Variants in NSL1 observed in about 807,000 individuals in gnomAD.
NSL1 encodes NSL1 component of MIS12 kinetochore complex.
Under a neutral mutation model 25.4 loss-of-function variants are expected in NSL1, and 11 were observed. That is an observed-to-expected ratio of 0.43 (90% CI 0.27 to 0.72). The LOEUF is 0.72. NSL1 is among the 30% of genes least tolerant of loss of function. NSL1 has a pLI of 0.19. For missense variants in NSL1, 330 were observed against 342.7 expected (o/e 0.96, Z 0.29); for synonymous variants, 118 against 120.6 (o/e 0.98, Z 0.14).
intron 4 of NSL1, among the ~76,000 whole-genome samples, chr1:212,774,654 T>C (rs1660272475): frequency 6.6e-6 from 1 of 152,200 alleles, no homozygotes; most frequent in Non-Finnish European, 1.5e-5. Flanking sequence ...TTATACCTAC[T>C]AGGTTGATAA....
chr1:212,738,239 A>G lies in NSL1; in HGVS notation c.*169T>C, dbSNP rs1658318587. The stretch of plus-strand genomic sequence containing the variant: ...TTACAATAGATAAAACAGTAAGGAA[A>G]TACAATATTATATCATATCCCCGCA... On this transcript the variant is annotated 3_prime_UTR_variant, in exon 6 of 6. Coordinates refer to ENST00000366977, the MANE Select transcript of NSL1 (RefSeq NM_015471.4). 7.3e-7 allele frequency: 1 copy of G among 1,371,436 alleles called. No individual in the cohort carries two copies. Among genetic ancestry groups the G allele is most frequent in the East Asian group, 2.6e-5 (1 of 38,684 alleles). 85.0% of individuals were successfully genotyped at this position (1,371,436 alleles called of 1,614,324 possible). A position where few individuals can be genotyped will look rare whatever the true frequency, so the allele number is the denominator to read the frequency against.
intron 1 of NSL1, among the ~76,000 whole-genome samples, chr1:212,789,872 G>A (rs1661102147): frequency 2.0e-5 from 3 of 152,084 alleles, no homozygotes; most frequent in Non-Finnish European, 4.4e-5. Context: ...TACAACAAAA[G>A]TCTTCTCCCA....
At position 212,730,410 on chromosome 1, in the gene NSL1, G is replaced by A. The variant is rs1657970108; in HGVS notation, c.*7998C>T. ...GAAGATGTGGGCCACAGAGCTACAT[G>A]AATGGGCACCAAGGGAGGTCTTAAA... On this transcript the variant is annotated 3_prime_UTR_variant, in exon 6 of 6. Coordinates refer to ENST00000366977, the MANE Select transcript of NSL1 (RefSeq NM_015471.4). 1 of 985,212 alleles carries A rather than the reference G, an allele frequency of 1.0e-6. No homozygotes were observed. The highest frequency in any genetic ancestry group is 1.2e-6 in the Non-Finnish European group (1 of 829,924). 61.0% of individuals were successfully genotyped at this position (985,212 alleles called of 1,614,324 possible). A position where few individuals can be genotyped will look rare whatever the true frequency, so the allele number is the denominator to read the frequency against.
chr1:212,775,977 A>C (rs1660346401), intron 4 of NSL1, among the ~76,000 whole-genome samples: 1 of 151,880 alleles, frequency 6.6e-6, no homozygotes, highest in South Asian at 2.1e-4. Flanking sequence ...ACAGGCGCCC[A>C]CCACTGCGCC....
In NSL1 at chr1:212,735,247, G is replaced by T. The variant is rs577258046; in HGVS notation, c.*3161C>A. 1 of 910,522 alleles carries T rather than the reference G, an allele frequency of 1.1e-6. No homozygotes were observed. Among genetic ancestry groups the T allele is most frequent in the Non-Finnish European group, 1.3e-6 (1 of 762,108 alleles). 56.4% of individuals were successfully genotyped at this position (910,522 alleles called of 1,614,324 possible). ...TCATTGAACTAATAATGGTAGAACTGAAATCTGAACTCAGATGATCTGGCT... is the reference window on the plus strand; with the variant it reads ...TCATTGAACTAATAATGGTAGAACTTAAATCTGAACTCAGATGATCTGGCT... On this transcript the variant is annotated 3_prime_UTR_variant, in exon 6 of 6. Coordinates refer to ENST00000366977, the MANE Select transcript of NSL1 (RefSeq NM_015471.4).
At chr1:212,758,462 T>C (rs895372926) in intron 4 of NSL1, among the ~76,000 whole-genome samples, 4 of 152,208 alleles carry the variant, frequency 2.6e-5, no homozygotes, top group Non-Finnish European at 4.4e-5. Context: ...AACATGGTTG[T>C]AAGATACAAG....
intron 3 of NSL1, among the ~76,000 whole-genome samples, chr1:212,783,511 T>C (rs1660811475): frequency 6.6e-6 from 1 of 152,214 alleles, no homozygotes. Context: ...GGGCATATAA[T>C]GACCTGAAAC....
chr1:212,732,260 CGTGTT>C lies in NSL1; in HGVS notation c.*6143_*6147del. ...TTTCTGCATAGTTAACATTATCACT[CGTGTT>C]GTCACTTTTATTTTTTTCTGAAAAT... On this transcript the variant is annotated 3_prime_UTR_variant, in exon 6 of 6. Coordinates refer to ENST00000366977, the MANE Select transcript of NSL1 (RefSeq NM_015471.4). 1 of 978,468 alleles carries C rather than the reference CGTGTT, an allele frequency of 1.0e-6. No homozygotes were observed. The highest frequency in any genetic ancestry group is 4.7e-5 in the South Asian group (1 of 21,124). The allele number at this position is 978,468 out of a possible 1,614,324, so 60.6% of individuals were successfully genotyped here.
chr1:212,761,463 A>C (rs1255849660), intron 4 of NSL1, among the ~76,000 whole-genome samples: 2 of 152,076 alleles, frequency 1.3e-5, no homozygotes, highest in African/African-American at 4.8e-5. Context: ...AACACGGCAA[A>C]ACCTTGCCTT....
chr1:212,762,585 G>A (rs1659625662), intron 4 of NSL1, among the ~76,000 whole-genome samples: 1 of 152,110 alleles, frequency 6.6e-6, no homozygotes, highest in South Asian at 2.1e-4. Context: ...TCTGAAAGAA[G>A]CAGCAGGCTG....
At position 212,727,901 on chromosome 1, in the gene NSL1, A is replaced by G. The variant is rs1049354604; in HGVS notation, c.*10507T>C. 4.1e-6 allele frequency: 4 copies of G among 985,344 alleles called. No individual in the cohort carries two copies. The highest frequency in any genetic ancestry group is 4.8e-6 in the Non-Finnish European group (4 of 829,948). The allele number at this position is 985,344 out of a possible 1,614,324, so 61.0% of individuals were successfully genotyped here. ...TCTCTGTTGCTATGTGTCATTGAAA[A>G]AAAATGAGAAGAACCAACGAGGTCG... On this transcript the variant is annotated 3_prime_UTR_variant, in exon 6 of 6. Coordinates refer to ENST00000366977, the MANE Select transcript of NSL1 (RefSeq NM_015471.4).
intron 2 of NSL1, among the ~76,000 whole-genome samples, chr1:212,787,236 TA>T (rs1439684280): frequency 3.3e-5 from 5 of 152,284 alleles, no homozygotes; most frequent in Admixed American, 6.5e-5. Flanking sequence ...GGTACTTGTA[TA>T]ATTAATAATA....
intron 4 of NSL1, among the ~76,000 whole-genome samples, chr1:212,748,786 A>G (rs1279864240): frequency 6.6e-6 from 1 of 152,174 alleles, no homozygotes; most frequent in Non-Finnish European, 1.5e-5. Context: ...AACAGGATAA[A>G]TATGTGCTAG....
rs916119759 is a variant in NSL1 at position 212,731,345 on chromosome 1, C to T, written c.*7063G>A. 15 of 982,094 alleles carry T rather than the reference C, an allele frequency of 1.5e-5. No homozygotes were observed. Among genetic ancestry groups the T allele is most frequent in the Non-Finnish European group, 1.8e-5 (15 of 827,212 alleles). The allele number at this position is 982,094 out of a possible 1,614,324, so 60.8% of individuals were successfully genotyped here. ...CTGAGGCAGGAGGATGGCTTGAGCC[C>T]AGGAATTCAAGACCAGCCGGGGCAA... On this transcript the variant is annotated 3_prime_UTR_variant, in exon 6 of 6. Transcript: ENST00000366977.
intron 4 of NSL1, among the ~76,000 whole-genome samples, chr1:212,756,202 C>A (rs1047201969): frequency 1.7e-4 from 26 of 152,140 alleles, no homozygotes; most frequent in African/African-American, 5.3e-4. Context: ...TCACTGCAGC[C>A]TTGACCTCCT....
rs1196625778 is a variant in NSL1 at position 212,780,236 on chromosome 1, T to G, written c.499+2136A>C. On this transcript the variant is annotated intron_variant, in intron 4 of 5. Coordinates refer to ENST00000366977, the MANE Select transcript of NSL1 (RefSeq NM_015471.4). ...CCTGTGCTCTCTGAAACATGTGCTGTGTCCACTCAGGGTTAAATGGATTAA... is the reference window on the plus strand; with the variant it reads ...CCTGTGCTCTCTGAAACATGTGCTGGGTCCACTCAGGGTTAAATGGATTAA... Among the ~76,000 whole-genome samples the G allele has an allele frequency of 7.2e-5, 11 of 152,030 alleles. No individual in the cohort carries two copies. The South Asian group carries it at 1.9e-3, about 26-fold the overall frequency.
rs1658022676 is a variant in NSL1 at position 212,731,760 on chromosome 1, T to C, written c.*6648A>G. The C allele has an allele frequency of 3.0e-6, 3 of 985,444 alleles. No homozygotes were observed. In the African/African-American group the frequency reaches 5.2e-5, roughly 17 times the overall value. The allele number at this position is 985,444 out of a possible 1,614,324, so 61.0% of individuals were successfully genotyped here. ...GGTGGGTGAAGATTTCACTCCCCAC[T>C]GCCATGTCAAAGCTGGTGTTCAGAC... On this transcript the variant is annotated 3_prime_UTR_variant, in exon 6 of 6. Transcript: ENST00000366977.
At chr1:212,768,879 T>G (rs917247010) in intron 4 of NSL1, among the ~76,000 whole-genome samples, 2 of 151,882 alleles carry the variant, frequency 1.3e-5, no homozygotes, top group Non-Finnish European at 2.9e-5. Context: ...AAATAAAATT[T>G]AAAAAATATA....
intron 4 of NSL1, among the ~76,000 whole-genome samples, chr1:212,771,967 T>C (rs940507070): frequency 6.6e-6 from 1 of 152,200 alleles, no homozygotes; most frequent in South Asian, 2.1e-4. Context: ...AATTGAATCA[T>C]GGGGGCGGTT....
Sources: gnomAD v4.1 joint callset for allele counts (sites outside exome capture counted in the v4.1 genomes callset) on GRCh38, gnomAD v4.1.1 for gene constraint, MANE v1.5 for transcripts, NCBI Gene and HGNC (gene_info 2026-07-23, HGNC 2026-07-21) for gene names.